Variants in PTPRR observed in about 807,000 individuals in gnomAD.
PTPRR encodes the protein receptor-type tyrosine-protein phosphatase R.
A neutral mutation model predicts 77.2 loss-of-function variants in PTPRR; 38 were observed. The observed-to-expected ratio is 0.49, with a 90% CI of 0.38 to 0.65. The LOEUF is 0.65. PTPRR is among the 30% of genes least tolerant of loss of function. The probability of loss-of-function intolerance (pLI) is 0.00; values close to 1 mark genes in which losing one functional copy is unlikely to be tolerated. For synonymous variants in PTPRR, 299 were observed against 283.1 expected (o/e 1.06, Z -0.57); for missense variants, 744 against 799.2 (o/e 0.93, Z 0.83).
intron 2 of PTPRR, among the ~76,000 whole-genome samples, chr12:70,852,914 T>C (rs907581325): frequency 2.0e-5 from 3 of 152,170 alleles, no homozygotes; most frequent in African/African-American, 4.8e-5. Context: ...GCCTTATGAT[T>C]TACGGGCAGG....
chr12:70,786,164 A>G (rs1050679501), intron 2 of PTPRR, among the ~76,000 whole-genome samples: 1 of 152,194 alleles, frequency 6.6e-6, no homozygotes, highest in African/African-American at 2.4e-5. Context: ...ATCCAGCCCT[A>G]TCAAAATAAC....
chr12:70,639,511 ATTT>A, intron 13 of PTPRR: 4 of 1,251,030 alleles, frequency 3.2e-6, no homozygotes, highest in Non-Finnish European at 4.0e-6. Flanking sequence ...CACGTGATTA[ATTT>A]TTACCTGTGT....
intron 10 of PTPRR, among the ~76,000 whole-genome samples, chr12:70,676,277 C>G (rs548712241): frequency 1.9e-4 from 29 of 151,888 alleles, no homozygotes; most frequent in African/African-American, 7.0e-4. Context: ...GATGCTAAAC[C>G]TATCTAATAA....
rs766473465 is a variant in PTPRR at position 70,764,750 on chromosome 12, T to C, written c.386A>G (p.Asn129Ser). ...VTLQMDVNKL[N>S]ITLLRIFRQG... Reference sequence around the variant, plus strand: ...GCGGAAGATCCGAAGCAAGGTTATGTTCAGCTTGTTTACATCCATTTGCAG... The same window carrying C: ...GCGGAAGATCCGAAGCAAGGTTATGCTCAGCTTGTTTACATCCATTTGCAG... The change falls in exon 3 of 14, where the codon AAC becomes AGC. Residue 129 changes from asparagine (N) to serine (S), a missense_variant. By Grantham distance (46) the Asn-to-Ser change is conservative. Transcript: ENST00000283228. 43 of 1,613,964 alleles carry C rather than the reference T, an allele frequency of 2.7e-5. 1 individual carries two copies. The South Asian group carries it at 3.8e-4, about 14-fold the overall frequency.
At chr12:70,741,894 G>A (rs1890059321) in intron 6 of PTPRR, among the ~76,000 whole-genome samples, 1 of 152,162 alleles carries the variant, frequency 6.6e-6, no homozygotes, top group Admixed American at 6.5e-5. Flanking sequence ...GGGGGATCAT[G>A]CCTTAGATAT....
chr12:70,900,193 T>G (rs1893507063), intron 1 of PTPRR, among the ~76,000 whole-genome samples: 1 of 151,376 alleles, frequency 6.6e-6, no homozygotes, highest in Non-Finnish European at 1.5e-5. Flanking sequence ...AATAGAAAGC[T>G]AAAACAATTT....
intron 2 of PTPRR, among the ~76,000 whole-genome samples, chr12:70,783,584 G>T (rs1357059245): frequency 2.0e-5 from 3 of 152,066 alleles, no homozygotes; most frequent in Admixed American, 2.0e-4. Flanking sequence ...GGAAGTGCAT[G>T]CTGACTGGTT....
intron 1 of PTPRR, among the ~76,000 whole-genome samples, chr12:70,898,094 T>C (rs1172508947): frequency 6.6e-6 from 1 of 151,858 alleles, no homozygotes; most frequent in African/African-American, 2.4e-5. Flanking sequence ...ATGGCACATG[T>C]ATATGTATGT....
At chr12:70,849,706 A>C (rs1592791793) in intron 2 of PTPRR, among the ~76,000 whole-genome samples, 1 of 152,228 alleles carries the variant, frequency 6.6e-6, no homozygotes, top group Admixed American at 6.5e-5. Context: ...ATTATTTGTG[A>C]CCAAGTGATT....
chr12:70,882,426 T>G (rs1052062124), intron 2 of PTPRR, among the ~76,000 whole-genome samples: 2 of 152,010 alleles, frequency 1.3e-5, no homozygotes, highest in African/African-American at 4.8e-5. Flanking sequence ...CCAAGAACAC[T>G]CTAGACTAAA....
At chr12:70,748,427 T>G (rs930780217) in intron 5 of PTPRR, among the ~76,000 whole-genome samples, 1 of 152,188 alleles carries the variant, frequency 6.6e-6, no homozygotes, top group African/African-American at 2.4e-5. Context: ...GGAATTCACT[T>G]TGTTGAAAAA....
intron 2 of PTPRR, among the ~76,000 whole-genome samples, chr12:70,797,688 G>A (rs1464829500): frequency 6.6e-6 from 1 of 152,036 alleles, no homozygotes; most frequent in Non-Finnish European, 1.5e-5. Context: ...TAGTTCTCAG[G>A]ATCATTTTGG....
rs57481268 is a variant in PTPRR, at chr12:70,889,120, A to T, written c.357+3559T>A. On this transcript the variant is annotated intron_variant, in intron 2 of 13. Coordinates refer to ENST00000283228, the MANE Select transcript of PTPRR (RefSeq NM_002849.4). ...TGGATTTGTCATCACTTACAACAAC[A>T]TATTCCTCAACAATACATCTTCTAT... Among the ~76,000 whole-genome samples, 825 of 152,308 alleles carry T rather than the reference A, an allele frequency of 5.4e-3. 14 individuals carry two copies. The highest frequency in any genetic ancestry group is 0.018 in the African/African-American group (759 of 41,568).
intron 1 of PTPRR, among the ~76,000 whole-genome samples, chr12:70,919,051 TA>T (rs1460293645): frequency 6.6e-6 from 1 of 152,220 alleles, no homozygotes; most frequent in Admixed American, 6.5e-5. Context: ...TTAATAATCC[TA>T]TGCATTATTT....
chr12:70,771,743 T>C (rs951254383), intron 2 of PTPRR, among the ~76,000 whole-genome samples: 5 of 152,150 alleles, frequency 3.3e-5, no homozygotes, highest in African/African-American at 1.2e-4. Flanking sequence ...CTTCAATTTG[T>C]GTTCATACAA....
chr12:70,722,881 A>AATTCACAT (rs201720319), intron 6 of PTPRR, among the ~76,000 whole-genome samples: 1,605 of 152,284 alleles, frequency 0.011, 10 homozygotes, highest in Middle Eastern at 0.044. Context: ...TACTCAAGAA[A>AATTCACAT]ATTCACATTT....
chr12:70,758,103 T>G (rs1383070906), intron 4 of PTPRR, among the ~76,000 whole-genome samples: 1 of 152,168 alleles, frequency 6.6e-6, no homozygotes, highest in Non-Finnish European at 1.5e-5. Context: ...AACAAAAGGT[T>G]CAAATAATCC....
intron 2 of PTPRR, among the ~76,000 whole-genome samples, chr12:70,776,202 CTTCT>C (rs1010774806): frequency 5.3e-5 from 8 of 152,290 alleles, no homozygotes; most frequent in South Asian, 2.1e-4. Context: ...CATCCCGACT[CTTCT>C]TTCTTTATTC....
chr12:70,866,431 G>C (rs1892850492), intron 2 of PTPRR, among the ~76,000 whole-genome samples: 1 of 151,998 alleles, frequency 6.6e-6, no homozygotes, highest in African/African-American at 2.4e-5. Context: ...AGAAAATCTA[G>C]AAGAAATGGA....
Sources: gnomAD v4.1 joint callset for allele counts (sites outside exome capture counted in the v4.1 genomes callset) on GRCh38, gnomAD v4.1.1 for gene constraint, MANE v1.5 for transcripts, NCBI Gene and HGNC (gene_info 2026-07-23, HGNC 2026-07-21) for gene names.